Variants in BCAS3 observed in about 807,000 individuals in gnomAD.
The protein encoded by BCAS3 is BCAS3 microtubule associated cell migration factor, also known as BCAS4/BCAS3 fusion.
BCAS3 carries 53 observed loss-of-function variants against 116.1 expected under a neutral mutation model. That is an observed-to-expected ratio of 0.46 (90% CI 0.37 to 0.57). The LOEUF is 0.57. BCAS3 is among the 20% of genes least tolerant of loss of function. The pLI is 0.00. For missense variants in BCAS3, 917 were observed against 1,165.4 expected (o/e 0.79, Z 3.10); for synonymous variants, 391 against 408.2 (o/e 0.96, Z 0.51).
rs1451479172 is a variant in BCAS3, at chr17:61,364,805, C to T, written c.2426-3522C>T. ...GAGCTCCAAGCTAAGAATTAGAAAC[C>T]CTTGTTCCAGATCTGTTGCTCAGAG... On this transcript the variant is annotated intron_variant, in intron 22 of 23. Coordinates refer to ENST00000407086, the MANE Select transcript of BCAS3 (RefSeq NM_017679.5). This position sits in a 1 kb window ranked among gnomAD's most constrained non-coding sequence, Gnocchi z 5.4. Among the ~76,000 whole-genome samples the T allele has an allele frequency of 6.6e-6, 1 of 151,984 alleles. No homozygotes were observed. The highest frequency in any genetic ancestry group is 1.5e-5 in the Non-Finnish European group (1 of 67,932).
intron 22 of BCAS3, among the ~76,000 whole-genome samples, chr17:61,089,364 T>C (rs1331232776): frequency 6.6e-6 from 1 of 151,984 alleles, no homozygotes; most frequent in Non-Finnish European, 1.5e-5. Flanking sequence ...AGGAGGTTAT[T>C]TGAGCAGTTT....
intron 19 of BCAS3, among the ~76,000 whole-genome samples, chr17:61,050,640 A>G (rs1457799966): frequency 2.0e-5 from 3 of 152,052 alleles, no homozygotes; most frequent in Non-Finnish European, 1.5e-5. Context: ...AAGCAAGAGC[A>G]TGTAATTCTA....
chr17:60,964,612 G>A lies in BCAS3; in HGVS notation c.1221+17260G>A, dbSNP rs527246072. ...TTTTTGAAGAGTTTGAGTACAATTG[G>A]TATTAATTCTTCTTTAAATGTTTGG... On this transcript the variant is annotated intron_variant, in intron 14 of 23. Transcript: ENST00000407086. The surrounding 1 kb of genome is among the most constrained non-coding windows in gnomAD (Gnocchi z 4.6). Among the ~76,000 whole-genome samples the A allele has an allele frequency of 1.3e-5, 2 of 152,216 alleles. No individual in the cohort carries two copies. Among genetic ancestry groups the A allele is most frequent in the African/African-American group, 2.4e-5 (1 of 41,542 alleles).
intron 19 of BCAS3, among the ~76,000 whole-genome samples, chr17:61,045,615 A>G (rs1043750017): frequency 6.7e-6 from 1 of 149,626 alleles, no homozygotes; most frequent in African/African-American, 2.5e-5. Flanking sequence ...CAGGAGTTTG[A>G]TATCAGCCTG....
At chr17:60,973,767 T>C (rs1394873866) in intron 14 of BCAS3, among the ~76,000 whole-genome samples, 4 of 151,808 alleles carry the variant, frequency 2.6e-5, no homozygotes, top group African/African-American at 9.7e-5. Flanking sequence ...AATTTTTGTG[T>C]TTTTGGTAGA....
intron 13 of BCAS3, among the ~76,000 whole-genome samples, chr17:60,933,856 A>G (rs2059786355): frequency 4.6e-5 from 7 of 152,094 alleles, no homozygotes; most frequent in Admixed American, 2.6e-4. Context: ...TCCTTTTTTC[A>G]TTAGAAGAGG....
chr17:61,025,008 G>A (rs1044822541), intron 16 of BCAS3, among the ~76,000 whole-genome samples: 1 of 152,076 alleles, frequency 6.6e-6, no homozygotes, highest in African/African-American at 2.4e-5. Context: ...TAGTTCAGGT[G>A]TCTTGCCTAA....
At chr17:61,240,681 G>A (rs1279318584) in intron 22 of BCAS3, among the ~76,000 whole-genome samples, 1 of 152,094 alleles carries the variant, frequency 6.6e-6, no homozygotes, top group African/African-American at 2.4e-5. Flanking sequence ...AACAAGTGTA[G>A]CTGACATTTA....
intron 14 of BCAS3, among the ~76,000 whole-genome samples, chr17:60,965,113 TA>T (rs2061586278): frequency 6.6e-6 from 1 of 152,136 alleles, no homozygotes. Flanking sequence ...CCTTGAGGTA[TA>T]TCATTAGGTT....
intron 6 of BCAS3, among the ~76,000 whole-genome samples, chr17:60,764,066 G>A (rs771309561): frequency 1.1e-4 from 16 of 151,718 alleles, no homozygotes; most frequent in Non-Finnish European, 1.8e-4. Flanking sequence ...TTTTTATTGC[G>A]TCTATTTGAT....
At position 60,714,932 on chromosome 17, in the gene BCAS3, G is replaced by A. The variant is rs928787430; in HGVS notation, c.321+5607G>A. ...ATGTAACATAGAATGATTGTTATGTGGGCGTTCCAGATAAACAACCCCTTT... is the reference window on the plus strand; with the variant it reads ...ATGTAACATAGAATGATTGTTATGTAGGCGTTCCAGATAAACAACCCCTTT... On this transcript the variant is annotated intron_variant, in intron 5 of 23. Transcript: ENST00000407086. Among the ~76,000 whole-genome samples, 6 of 151,892 alleles carry A rather than the reference G, an allele frequency of 4.0e-5. 1 individual carries two copies. The highest frequency in any genetic ancestry group is 1.5e-4 in the African/African-American group (6 of 41,348).
At chr17:61,221,057 A>G (rs1439675601) in intron 22 of BCAS3, among the ~76,000 whole-genome samples, 1 of 152,164 alleles carries the variant, frequency 6.6e-6, no homozygotes, top group Non-Finnish European at 1.5e-5. Context: ...CCGAGATCGC[A>G]CCACTGCACT....
At chr17:60,959,714 T>A (rs8074659) in intron 14 of BCAS3, among the ~76,000 whole-genome samples, 4,341 of 152,286 alleles carry the variant, frequency 0.029, 214 homozygotes, top group African/African-American at 0.097. Context: ...TTCCTGTGGT[T>A]ACTACAACAA....
chr17:61,116,424 C>T (rs1442847278), intron 22 of BCAS3, among the ~76,000 whole-genome samples: 2 of 151,998 alleles, frequency 1.3e-5, no homozygotes, highest in African/African-American at 4.8e-5. Context: ...GTCCCTTTAC[C>T]ATCCTGATTT....
At chr17:61,149,049 G>A (rs1260840236) in intron 22 of BCAS3, among the ~76,000 whole-genome samples, 2 of 151,978 alleles carry the variant, frequency 1.3e-5, no homozygotes, top group Non-Finnish European at 2.9e-5. Context: ...TCTAGAAAAG[G>A]CACACAAATA....
rs2051847284 is a variant in BCAS3 at position 61,286,864 on chromosome 17, CATTT to C, written c.2426-81459_2426-81456del. Among the ~76,000 whole-genome samples, 2 of 152,152 alleles carry C rather than the reference CATTT, an allele frequency of 1.3e-5. No individual in the cohort carries two copies. The highest frequency in any genetic ancestry group is 1.3e-4 in the Admixed American group (2 of 15,270). On this transcript the variant is annotated intron_variant, in intron 22 of 23. Coordinates refer to ENST00000407086, the MANE Select transcript of BCAS3 (RefSeq NM_017679.5). This position sits in a 1 kb window ranked among gnomAD's most constrained non-coding sequence, Gnocchi z 4.8. ...CTAGGACCTTTATACTGCATTCATT[CATTT>C]ATTCATTCACTGAAACTTTATGGGC...
At chr17:60,932,458 C>G (rs989412479) in intron 13 of BCAS3, among the ~76,000 whole-genome samples, 2 of 152,050 alleles carry the variant, frequency 1.3e-5, no homozygotes, top group Non-Finnish European at 2.9e-5. Context: ...TAAGAATTGT[C>G]TGGCCGGGCA....
At chr17:60,888,113 T>C (rs956160683) in intron 9 of BCAS3, among the ~76,000 whole-genome samples, 1 of 152,228 alleles carries the variant, frequency 6.6e-6, no homozygotes, top group African/African-American at 2.4e-5. Flanking sequence ...GTGGCTTATG[T>C]TCTGCTGATT....
intron 15 of BCAS3, among the ~76,000 whole-genome samples, chr17:60,992,569 T>C (rs899478137): frequency 6.6e-6 from 1 of 152,066 alleles, no homozygotes; most frequent in Admixed American, 6.6e-5. Context: ...AAACTACCTG[T>C]TGGGTACTAC....
Sources: gnomAD v4.1 joint callset for allele counts (sites outside exome capture counted in the v4.1 genomes callset) on GRCh38, gnomAD v4.1.1 for gene constraint, Gnocchi (gnomAD v3.1) non-coding constraint, MANE v1.5 for transcripts, NCBI Gene and HGNC (gene_info 2026-07-23, HGNC 2026-07-21) for gene names.